The following CLRN1 variants were observed in gnomAD, a reference collection of about 807,000 sequenced individuals.
CLRN1 encodes the protein clarin 1, also known as clarin-1.
CLRN1 carries 15 observed loss-of-function variants against 18.7 expected under a neutral mutation model. The ratio of observed to expected loss-of-function variants is 0.80; its 90% confidence interval spans 0.54 to 1.23. The LOEUF is 1.23. Ranked by LOEUF, CLRN1 falls within the 50% of genes most tolerant of loss-of-function variation. CLRN1 has a pLI of 0.00. For missense variants in CLRN1, 311 were observed against 277.5 expected (o/e 1.12, Z -0.86); for synonymous variants, 104 against 102.9 (o/e 1.01, Z -0.07).
chr3:150,972,811 G>C, upstream of CLRN1: 1 of 1,532,942 alleles, frequency 6.5e-7, no homozygotes, highest in East Asian at 2.3e-5. Context: ...AAGCTGAACG[G>C]ACAGCTCCCA....
chr3:150,969,037 T>C (rs535996098), intron 1 of CLRN1, among the ~76,000 whole-genome samples: 1 of 151,498 alleles, frequency 6.6e-6, no homozygotes, highest in Non-Finnish European at 1.5e-5. Flanking sequence ...AAAATGAGCA[T>C]GTGAAATGTG....
At chr3:150,941,545 A>G (rs1293541430) in intron 2 of CLRN1, 37 bp downstream of exon 2, 2 of 1,604,408 alleles carry the variant, frequency 1.2e-6, no homozygotes, top group South Asian at 1.1e-5. Context: ...CATATTGAAA[A>G]GCACATTTGT....
At chr3:150,963,336 A>G (rs1257423630) in intron 1 of CLRN1, among the ~76,000 whole-genome samples, 1 of 152,210 alleles carries the variant, frequency 6.6e-6, no homozygotes, top group Admixed American at 6.5e-5. Flanking sequence ...AGAACAAAAT[A>G]CCTAGGAATA....
rs1715590617 is a variant in CLRN1 at position 150,972,528 on chromosome 3, T to C, written c.181A>G (p.Met61Val). Reference sequence around the variant, plus strand: ...TCTCCGTGGAAAAGCCCGTACTGCATTTCACCCATAAACTTGTCCAGCTCC... The same window carrying C: ...TCTCCGTGGAAAAGCCCGTACTGCACTTCACCCATAAACTTGTCCAGCTCC... ...GQELDKFMGE[M>V]QYGLFHGEGV... The change falls in exon 1 of 3, where the codon ATG becomes GTG. Residue 61 changes from methionine (M) to valine (V), a missense_variant. Met to Val is a conservative substitution (Grantham distance 21). Transcript: ENST00000327047. The C allele has an allele frequency of 6.2e-7, 1 of 1,614,090 alleles. No homozygotes were observed. Among genetic ancestry groups the C allele is most frequent in the African/African-American group, 1.3e-5 (1 of 74,936 alleles).
intron 1 of CLRN1, chr3:150,945,827 A>G (rs977818027): frequency 1.6e-4 from 57 of 367,690 alleles, no homozygotes; most frequent in Non-Finnish European, 5.4e-5. Flanking sequence ...TTGGGAGTGT[A>G]AATTGTTATA....
At chr3:150,945,998 G>A (rs1338099197) in intron 1 of CLRN1, among the ~76,000 whole-genome samples, 1 of 152,102 alleles carries the variant, frequency 6.6e-6, no homozygotes, top group African/African-American at 2.4e-5. Context: ...GATAATAAGA[G>A]GTTGGAAATA....
Position 150,927,897 on chromosome 3 carries a change from A to G in CLRN1, c.*39T>C. On this transcript the variant is annotated 3_prime_UTR_variant, in exon 3 of 3. Coordinates refer to ENST00000327047, the MANE Select transcript of CLRN1 (RefSeq NM_174878.3). Reference sequence around the variant, plus strand: ...AACCACATCTAAAAGTGACCAAAGCAAGTCTACTCCCTTGTAAAATTATAG... The same window carrying G: ...AACCACATCTAAAAGTGACCAAAGCGAGTCTACTCCCTTGTAAAATTATAG... 1 of 1,612,742 alleles carries G rather than the reference A, an allele frequency of 6.2e-7. No individual in the cohort carries two copies.
intron 1 of CLRN1, among the ~76,000 whole-genome samples, chr3:150,960,766 G>A (rs1249605921): frequency 6.6e-6 from 1 of 152,170 alleles, no homozygotes; most frequent in Non-Finnish European, 1.5e-5. Context: ...GGCAGATGGA[G>A]GTCAAAAGTT....
chr3:150,963,720 G>T (rs56150003), intron 1 of CLRN1, among the ~76,000 whole-genome samples: 25,510 of 152,054 alleles, frequency 0.17, 2,367 homozygotes, highest in East Asian at 0.39. Context: ...AACAGATACA[G>T]AGACCAATGA....
intron 2 of CLRN1, chr3:150,941,374 C>T (rs940251930): frequency 1.8e-6 from 1 of 548,204 alleles, no homozygotes; most frequent in Non-Finnish European, 3.2e-6. Flanking sequence ...GTCAGCATCA[C>T]AGTTATTCAT....
chr3:150,943,369 C>T (rs1037748926), intron 1 of CLRN1, among the ~76,000 whole-genome samples: 2 of 152,162 alleles, frequency 1.3e-5, no homozygotes, highest in Admixed American at 1.3e-4. Context: ...ACCACCTATC[C>T]TCTGCCTATA....
At chr3:150,950,815 T>A (rs1714446539) in intron 1 of CLRN1, among the ~76,000 whole-genome samples, 1 of 152,048 alleles carries the variant, frequency 6.6e-6, no homozygotes, top group African/African-American at 2.4e-5. Flanking sequence ...AGAATAGAAA[T>A]CATTCTACTA....
rs1371096868 is a variant in CLRN1, at chr3:150,927,388, G to A, written c.*548C>T. 2.3e-6 allele frequency: 1 copy of A among 444,408 alleles called. No homozygotes were observed. The highest frequency in any genetic ancestry group is 2.4e-5 in the Admixed American group (1 of 41,958). The allele number at this position is 444,408 out of a possible 1,614,324, so 27.5% of individuals were successfully genotyped here. ...GATCTTCCCACCTTGGCCTCCTGAA[G>A]TGCTGGAATTACAGGTGTGAGTCAC... On this transcript the variant is annotated 3_prime_UTR_variant, in exon 3 of 3. Transcript: ENST00000327047.
intron 2 of CLRN1, among the ~76,000 whole-genome samples, chr3:150,938,589 G>GT (rs921310855): frequency 1.1e-4 from 16 of 148,992 alleles, no homozygotes; most frequent in African/African-American, 2.5e-4. Flanking sequence ...TGTTGTAACG[G>GT]TTTTTTTTTT....
intron 2 of CLRN1, among the ~76,000 whole-genome samples, chr3:150,940,192 T>G (rs1713734339): frequency 6.6e-6 from 1 of 152,224 alleles, no homozygotes; most frequent in African/African-American, 2.4e-5. Context: ...AGGATAATCA[T>G]CTGTACAATT....
intron 2 of CLRN1, among the ~76,000 whole-genome samples, chr3:150,935,246 A>C (rs1160068845): frequency 1.3e-5 from 2 of 150,220 alleles, no homozygotes; most frequent in East Asian, 4.0e-4. Context: ...TGCACCCAAT[A>C]ACTCGTCATT....
At chr3:150,963,584 C>CA (rs1374070350) in intron 1 of CLRN1, among the ~76,000 whole-genome samples, 1 of 151,994 alleles carries the variant, frequency 6.6e-6, no homozygotes, top group East Asian at 1.9e-4. Context: ...CATATGGAAC[C>CA]AAAAAAGAGC....
intron 2 of CLRN1, among the ~76,000 whole-genome samples, chr3:150,936,631 T>A (rs1366235873): frequency 1.3e-5 from 2 of 152,210 alleles, no homozygotes; most frequent in Non-Finnish European, 2.9e-5. Flanking sequence ...TCACCAGACA[T>A]TTCTTAGAGA....
chr3:150,948,148 G>C (rs1046866792), intron 1 of CLRN1, among the ~76,000 whole-genome samples: 4 of 152,142 alleles, frequency 2.6e-5, no homozygotes, highest in African/African-American at 9.7e-5. Flanking sequence ...TAGGCCACTA[G>C]CTAGCCTAAT....
Sources: allele counts gnomAD v4.1 joint callset (sites outside exome capture counted in the v4.1 genomes callset), GRCh38; gene constraint gnomAD v4.1.1; transcripts MANE v1.5; gene names NCBI Gene and HGNC (gene_info 2026-07-23, HGNC 2026-07-21).